RNF135: variants seen among roughly 807,000 people sequenced by gnomAD.
RNF135 encodes ring finger protein 135.
In RNF135, 46 loss-of-function variants were observed where a neutral mutation model predicts 41.9. That is an observed-to-expected ratio of 1.10 (90% CI 0.87 to 1.40). The LOEUF is 1.40. RNF135 is among the 40% of genes most tolerant of loss of function. The probability of loss-of-function intolerance (pLI) is 0.00; values close to 1 mark genes in which losing one functional copy is unlikely to be tolerated. For synonymous variants in RNF135, 238 were observed against 223.8 expected, an observed-to-expected ratio of 1.06 and a Z score of -0.57; for missense variants, 539 against 549.8, an observed-to-expected ratio of 0.98 and a Z score of 0.20.
the RNF135 span, among the ~76,000 whole-genome samples, chr17:30,960,750 T>A: frequency 2.7e-5 from 4 of 149,266 alleles, no homozygotes; most frequent in Non-Finnish European, 5.9e-5. Flanking sequence ...TTTTATTTTT[T>A]TTTTTTTGAG....
chr17:30,961,413 A>G, the RNF135 span, among the ~76,000 whole-genome samples: 4 of 152,124 alleles, frequency 2.6e-5, no homozygotes, highest in African/African-American at 4.8e-5. Flanking sequence ...TGTAGACAGC[A>G]TGCAAACTTT....
chr17:30,999,051 C>T lies in RNF135; in HGVS notation c.1159C>T (p.Leu387Phe). The T allele has an allele frequency of 6.2e-7, 1 of 1,614,144 alleles. No homozygotes were observed. Among genetic ancestry groups the T allele is most frequent in the Non-Finnish European group, 8.5e-7 (1 of 1,180,016 alleles). ...CTGGCTGAACCTTGAGGAGGGAAAG[C>T]TTGCCTTCTATTCAGTGGACAATCA... Reference protein sequence around the residue: ...GIWLNLEEGKLAFYSVDNQEK... With the variant: ...GIWLNLEEGKFAFYSVDNQEK... Residue 387 changes from leucine to phenylalanine, a missense_variant, in exon 5 of 5, where the codon CTT (leucine) becomes TTT (phenylalanine). By Grantham distance (22) the Leu-to-Phe change is conservative (BLOSUM62 0). Around this residue, in one of 2 missense-constraint regions of RNF135, gnomAD observed 262 missense variants for 336.9 expected, o/e 0.78. Coordinates refer to ENST00000328381, the MANE Select transcript of RNF135 (RefSeq NM_032322.4).
At chr17:30,995,612 T>G (rs1043062496) in intron 3 of RNF135, among the ~76,000 whole-genome samples, 3 of 152,222 alleles carry the variant, frequency 2.0e-5, no homozygotes, top group Admixed American at 2.0e-4. Flanking sequence ...TGGCAACCAC[T>G]ATTCCACTTT....
chr17:30,999,275 C>A lies in RNF135; in HGVS notation c.*84C>A. 1 of 1,452,456 alleles carries A rather than the reference C, an allele frequency of 6.9e-7. No homozygotes were observed. Among genetic ancestry groups the A allele is most frequent in the Non-Finnish European group, 9.5e-7 (1 of 1,052,074 alleles). The allele number at this position is 1,452,456 out of a possible 1,614,324, so 90.0% of individuals were successfully genotyped here. ...GGGTAGTAACTTGACTTAAGAATAC[C>A]ACTTTTTAGAAAAATTACGATAGAG... On this transcript the variant is annotated 3_prime_UTR_variant, in exon 5 of 5. Coordinates refer to ENST00000328381, the MANE Select transcript of RNF135 (RefSeq NM_032322.4).
chr17:30,960,743 T>A, the RNF135 span, among the ~76,000 whole-genome samples: 114 of 132,712 alleles, frequency 8.6e-4, 1 homozygote, highest in African/African-American at 4.6e-3. Flanking sequence ...TATTTTATTT[T>A]ATTTTTTTTT....
At chr17:30,973,935 A>C (rs1274933366) in intron 1 of RNF135, among the ~76,000 whole-genome samples, 2 of 152,092 alleles carry the variant, frequency 1.3e-5, no homozygotes, top group Non-Finnish European at 2.9e-5. Flanking sequence ...TAGACTTGGC[A>C]TCCTTGTCAA....
chr17:30,998,985 G>A lies in RNF135; in HGVS notation c.1093G>A (p.Glu365Lys). The change falls in exon 5 of 5, where the codon GAA becomes AAA. Residue 365 changes from glutamate (E) to lysine (K), a missense_variant. Transcript: ENST00000328381. The part of the protein sequence containing the change: ...SQLSAWHMVK[E>K]TVLGSDRPGV... ...GCTCTCTGCATGGCACATGGTCAAG[G>A]AAACTGTCCTTGGCTCAGACAGACC... 1.9e-6 allele frequency: 3 copies of A among 1,614,140 alleles called. No homozygotes were observed. The highest frequency in any genetic ancestry group is 2.5e-6 in the Non-Finnish European group (3 of 1,180,020).
At chr17:30,995,126 G>A (rs1908252050) in intron 3 of RNF135, among the ~76,000 whole-genome samples, 1 of 151,530 alleles carries the variant, frequency 6.6e-6, no homozygotes, top group Admixed American at 6.6e-5. Flanking sequence ...AGTGGCTTAC[G>A]CCTGTAATCA....
At chr17:30,982,330 G>C (rs1013160058) in intron 1 of RNF135, among the ~76,000 whole-genome samples, 6 of 152,200 alleles carry the variant, frequency 3.9e-5, no homozygotes, top group Non-Finnish European at 7.3e-5. Context: ...CTCTGGCTAG[G>C]ACTGATCTAA....
Position 30,975,457 on chromosome 17 carries a change from T to G in RNF135, c.372+4012T>G, listed in dbSNP as rs1906361189. On this transcript the variant is annotated intron_variant, in intron 1 of 4. Coordinates refer to ENST00000328381, the MANE Select transcript of RNF135 (RefSeq NM_032322.4). ...CACACAGGAAATGAACTGTGTTCAC[T>G]GAGAAGCAACTGGAAGATCTGAACA... 5.2e-6 allele frequency: 4 copies of G among 776,206 alleles called. No homozygotes were observed. In the East Asian group the frequency reaches 9.7e-5, roughly 19 times the overall value. The allele number at this position is 776,206 out of a possible 1,614,324, so 48.1% of individuals were successfully genotyped here. A position where few individuals can be genotyped will look rare whatever the true frequency, so the allele number is the denominator to read the frequency against.
At chr17:30,998,391 AAAAT>A (rs1369657848) in intron 4 of RNF135, among the ~76,000 whole-genome samples, 1 of 152,182 alleles carries the variant, frequency 6.6e-6, no homozygotes, top group Non-Finnish European at 1.5e-5. Context: ...ATAAATTTTA[AAAAT>A]AAATAAATAT....
chr17:30,960,324 G>A, the RNF135 span, among the ~76,000 whole-genome samples: 1,882 of 151,836 alleles, frequency 0.012, 44 homozygotes, highest in African/African-American at 0.043. Flanking sequence ...CCCGGCAGGC[G>A]GAGGTTGCAG....
In RNF135 at chr17:30,996,472, C is replaced by A. The variant is rs188334743; in HGVS notation, c.680-770C>A. On this transcript the variant is annotated intron_variant, in intron 3 of 4. Coordinates refer to ENST00000328381, the MANE Select transcript of RNF135 (RefSeq NM_032322.4). ...TTATCCATTTTTCTGTCTCTGGACA[C>A]AGGGATTGCTTCAGTTCCGAGTTGA... Among the ~76,000 whole-genome samples the A allele has an allele frequency of 3.3e-5, 5 of 152,330 alleles. No homozygotes were observed. In the East Asian group the frequency reaches 5.8e-4, roughly 18 times the overall value.
At chr17:30,983,842 C>T (rs2142705715) in intron 1 of RNF135, among the ~76,000 whole-genome samples, 1 of 151,968 alleles carries the variant, frequency 6.6e-6, no homozygotes, top group South Asian at 2.1e-4. Flanking sequence ...TTGCATTTCC[C>T]TAGTGATTAG....
chr17:30,976,002 A>C lies in RNF135; in HGVS notation c.372+4557A>C, dbSNP rs938978907. On this transcript the variant is annotated intron_variant, in intron 1 of 4. Coordinates refer to ENST00000328381, the MANE Select transcript of RNF135 (RefSeq NM_032322.4). Reference sequence around the variant, plus strand: ...ATGTAAAAAAAAATAAATACTAAAAAAATTTTTTTTGTTTGTTTTTTTGAG... The same window carrying C: ...ATGTAAAAAAAAATAAATACTAAAACAATTTTTTTTGTTTGTTTTTTTGAG... 32 of 344,536 alleles carry C rather than the reference A, an allele frequency of 9.3e-5. No individual in the cohort carries two copies. The South Asian group carries it at 1.4e-3, about 15-fold the overall frequency. The allele number at this position is 344,536 out of a possible 1,614,324, so 21.3% of individuals were successfully genotyped here.
rs992119782 is a variant in RNF135, at chr17:30,998,838, G to A, written c.946G>A (p.Glu316Lys). Residue 316 changes from glutamate (E) to lysine (K), a missense_variant, in exon 5 of 5, where the codon GAA becomes AAA. Physicochemically the swap from Glu to Lys is moderately conservative, Grantham distance 56. Transcript: ENST00000328381. ...QALSSGKHYW[E>K]VDTRNCSHWA... ...CCTGTCTTCTGGAAAGCATTACTGG[G>A]AAGTGGACACTAGGAATTGCAGCCA... The A allele has an allele frequency of 1.1e-5, 18 of 1,613,310 alleles. No homozygotes were observed. The highest frequency in any genetic ancestry group is 1.5e-5 in the Non-Finnish European group (18 of 1,179,636).
At chr17:30,971,636 A>C in intron 1 of RNF135, 191 bp downstream of exon 1, 1 of 1,352,832 alleles carries the variant, frequency 7.4e-7, no homozygotes. Flanking sequence ...AGAAAAAAAC[A>C]AATTCCCCAT....
At chr17:30,983,990 C>T (rs1045173964) in intron 1 of RNF135, among the ~76,000 whole-genome samples, 7 of 152,016 alleles carry the variant, frequency 4.6e-5, no homozygotes, top group East Asian at 1.9e-4. Flanking sequence ...ACCAAACAAG[C>T]GGCAGTGATA....
At chr17:30,986,794 G>A (rs1907621012) in intron 2 of RNF135, among the ~76,000 whole-genome samples, 1 of 152,218 alleles carries the variant, frequency 6.6e-6, no homozygotes, top group Non-Finnish European at 1.5e-5. Context: ...AGGATTAAAA[G>A]AGGTATAAGA....
Sources: gnomAD v4.1 joint callset for allele counts (sites outside exome capture counted in the v4.1 genomes callset) on GRCh38, gnomAD v4.1.1 for gene constraint, gnomAD v4.1.1 regional missense constraint, MANE v1.5 for transcripts, NCBI Gene and HGNC (gene_info 2026-07-23, HGNC 2026-07-21) for gene names.